FHIT: variants seen among roughly 807,000 people sequenced by gnomAD.
FHIT encodes the protein fragile histidine triad diadenosine triphosphatase.
FHIT carries 19 observed loss-of-function variants against 17.9 expected under a neutral mutation model. That is an observed-to-expected ratio of 1.06 (90% confidence interval 0.74 to 1.56). The LOEUF (loss-of-function observed/expected upper bound fraction) is 1.56, where lower values mean the gene tolerates loss of function less well. Among genes scored for constraint, FHIT ranks in the 40% most tolerant of loss-of-function variants. The pLI, the probability that FHIT is intolerant of heterozygous loss-of-function variation, is 0.00. For missense variants in FHIT, 248 were observed against 189.2 expected (o/e 1.31, Z -1.82); for synonymous variants, 81 against 69.7 (o/e 1.16, Z -0.81).
chr3:61,233,141 C>T (rs1485126131), intron 1 of FHIT, among the ~76,000 whole-genome samples: 3 of 152,092 alleles, frequency 2.0e-5, no homozygotes, highest in Non-Finnish European at 4.4e-5. Context: ...TTGGAGAGGG[C>T]AATTCGGTGG....
At chr3:60,436,851 A>C (rs998582775) in intron 5 of FHIT, among the ~76,000 whole-genome samples, 5 of 152,148 alleles carry the variant, frequency 3.3e-5, no homozygotes, top group African/African-American at 9.7e-5. Flanking sequence ...AATCATCATT[A>C]GAAAATGTTT....
At chr3:60,892,252 C>A (rs1705554207) in intron 3 of FHIT, among the ~76,000 whole-genome samples, 1 of 152,124 alleles carries the variant, frequency 6.6e-6, no homozygotes, top group Admixed American at 6.6e-5. Flanking sequence ...AGATGTAAAT[C>A]ATCTTTTTTG....
At chr3:60,366,426 G>T (rs1278991047) in intron 5 of FHIT, among the ~76,000 whole-genome samples, 1 of 152,168 alleles carries the variant, frequency 6.6e-6, no homozygotes, top group African/African-American at 2.4e-5. Flanking sequence ...TGCCCAGCCT[G>T]CTAACCCCTT....
intron 5 of FHIT, among the ~76,000 whole-genome samples, chr3:60,402,129 T>A (rs527573813): frequency 6.6e-6 from 1 of 152,190 alleles, no homozygotes; most frequent in Non-Finnish European, 1.5e-5. Flanking sequence ...TCTTGCATTC[T>A]ACTTAAAGAA....
At chr3:60,631,155 G>A (rs2039431204) in intron 4 of FHIT, among the ~76,000 whole-genome samples, 1 of 152,086 alleles carries the variant, frequency 6.6e-6, no homozygotes, top group Non-Finnish European at 1.5e-5. Flanking sequence ...TTGGTGGGGA[G>A]CTTGAGGCGC....
intron 5 of FHIT, among the ~76,000 whole-genome samples, chr3:60,124,321 G>A (rs74649850): frequency 6.6e-6 from 1 of 151,576 alleles, no homozygotes; most frequent in African/African-American, 2.4e-5. Flanking sequence ...GCTCAGAAAG[G>A]CTTATTTCTT....
chr3:61,046,619 G>A (rs879245787), intron 2 of FHIT, among the ~76,000 whole-genome samples: 2 of 152,160 alleles, frequency 1.3e-5, no homozygotes, highest in East Asian at 1.9e-4. Flanking sequence ...GAGAAAGAGG[G>A]AATCATCCCT....
chr3:60,130,784 G>GTATATACACACACATATGTGTGTGTGTGT (rs148356992), intron 5 of FHIT, among the ~76,000 whole-genome samples: 1 of 111,628 alleles, frequency 9.0e-6, no homozygotes, highest in African/African-American at 3.0e-5. Context: ...GTGTGTGTGT[G>GTATATACACACACATATGTGTGTGTGTGT]GTGTGTATAT....
intron 5 of FHIT, among the ~76,000 whole-genome samples, chr3:60,355,841 CTTAT>C (rs1699632240): frequency 6.6e-6 from 1 of 152,020 alleles, no homozygotes; most frequent in African/African-American, 2.4e-5. Context: ...TATTTGTAAC[CTTAT>C]TTAGAGAGTA....
chr3:60,293,212 G>A (rs181738694), intron 5 of FHIT, among the ~76,000 whole-genome samples: 1 of 152,104 alleles, frequency 6.6e-6, no homozygotes, highest in African/African-American at 2.4e-5. Context: ...TATGATATAG[G>A]GTCATTAATT....
intron 5 of FHIT, among the ~76,000 whole-genome samples, chr3:60,280,309 G>A (rs1404295611): frequency 6.6e-6 from 1 of 152,104 alleles, no homozygotes; most frequent in African/African-American, 2.4e-5. Flanking sequence ...TAAGATCAGT[G>A]TAGTATAGTA....
At chr3:60,788,571 G>A (rs372213218) in intron 4 of FHIT, among the ~76,000 whole-genome samples, 4 of 152,110 alleles carry the variant, frequency 2.6e-5, no homozygotes, top group African/African-American at 7.2e-5. Context: ...TAAGGAAGAC[G>A]TGGATACTAG....
intron 5 of FHIT, among the ~76,000 whole-genome samples, chr3:60,524,242 AC>A: frequency 8.4e-6 from 1 of 119,096 alleles, no homozygotes; most frequent in African/African-American, 2.8e-5. Context: ...ACACACACAC[AC>A]ACACAAATAA....
chr3:61,250,654 A>G (rs6791206), intron 1 of FHIT, among the ~76,000 whole-genome samples: 70,213 of 151,138 alleles, frequency 0.46, 20,079 homozygotes, highest in East Asian at 0.8. Context: ...CTTACCCCCC[A>G]CCACCACCAA....
intron 3 of FHIT, among the ~76,000 whole-genome samples, chr3:60,876,664 A>G (rs1704671725): frequency 1.3e-5 from 2 of 152,244 alleles, no homozygotes; most frequent in African/African-American, 2.4e-5. Context: ...AAATTCATAA[A>G]TTGCACAAGA....
intron 7 of FHIT, among the ~76,000 whole-genome samples, chr3:60,004,872 T>C (rs1193824851): frequency 1.3e-5 from 2 of 152,208 alleles, no homozygotes; most frequent in African/African-American, 4.8e-5. Context: ...ATTGAGACTT[T>C]ACTATGTGCC....
intron 4 of FHIT, among the ~76,000 whole-genome samples, chr3:60,733,464 G>C (rs1290649679): frequency 2.6e-5 from 4 of 151,858 alleles, no homozygotes; most frequent in Admixed American, 2.6e-4. Flanking sequence ...TTTGTTTTTA[G>C]GCCAGTGAGC....
At chr3:61,169,083 G>GA (rs2107125277) in intron 2 of FHIT, among the ~76,000 whole-genome samples, 2 of 152,166 alleles carry the variant, frequency 1.3e-5, no homozygotes, top group South Asian at 4.2e-4. Flanking sequence ...CACCTTGAAG[G>GA]AAAAAAATTA....
At chr3:60,931,327 C>A (rs1707941496) in intron 3 of FHIT, among the ~76,000 whole-genome samples, 1 of 152,082 alleles carries the variant, frequency 6.6e-6, no homozygotes, top group Non-Finnish European at 1.5e-5. Context: ...AACAAACCTG[C>A]ACGTTGTGCA....
Sources: gnomAD v4.1 joint callset for allele counts (sites outside exome capture counted in the v4.1 genomes callset) on GRCh38, gnomAD v4.1.1 for gene constraint, MANE v1.5 for transcripts, NCBI Gene and HGNC (gene_info 2026-07-23, HGNC 2026-07-21) for gene names.